PREX2: variants seen among roughly 807,000 people sequenced by gnomAD.
PREX2 encodes phosphatidylinositol 3,4,5-trisphosphate-dependent Rac exchanger 2 protein.
In PREX2, 107 loss-of-function variants were observed where a neutral mutation model predicts 203.2. That is an observed-to-expected ratio of 0.53 (90% confidence interval 0.45 to 0.62). PREX2 has a LOEUF of 0.62. Among genes scored for constraint, PREX2 ranks in the 20% least tolerant of loss-of-function variants. The pLI is 0.00. For synonymous variants in PREX2, 672 were observed against 663.6 expected (o/e 1.01, Z -0.19); for missense variants, 1,777 against 1,955.9 (o/e 0.91, Z 1.72).
intron 32 of PREX2, 88 bp downstream of exon 32, chr8:68,134,364 C>T: frequency 9.4e-7 from 1 of 1,064,366 alleles, no homozygotes; most frequent in South Asian, 1.4e-5. Context: ...TATTTCTTTC[C>T]CGCTGGTTAT....
At chr8:68,070,810 A>T (rs1809171405) in intron 13 of PREX2, among the ~76,000 whole-genome samples, 1 of 152,186 alleles carries the variant, frequency 6.6e-6, no homozygotes, top group East Asian at 1.9e-4. Context: ...TGGAATGCCC[A>T]CTTATACTGC....
chr8:68,051,186 G>A (rs970141025), intron 8 of PREX2, among the ~76,000 whole-genome samples: 1 of 152,078 alleles, frequency 6.6e-6, no homozygotes, highest in Non-Finnish European at 1.5e-5. Context: ...GCGGTGGCAG[G>A]AGCATGACTT....
chr8:68,144,581 G>GT (rs1284379403), intron 33 of PREX2, among the ~76,000 whole-genome samples: 1 of 151,792 alleles, frequency 6.6e-6, no homozygotes, highest in Non-Finnish European at 1.5e-5. Context: ...TCCAGGAGCA[G>GT]TTTTTTGTTG....
chr8:68,084,164 C>T (rs955296682), intron 18 of PREX2, among the ~76,000 whole-genome samples: 1 of 152,018 alleles, frequency 6.6e-6, no homozygotes, highest in Non-Finnish European at 1.5e-5. Context: ...TTTAGTATTT[C>T]CTTATCATAT....
chr8:68,216,127 G>T (rs1293415084), intron 37 of PREX2, among the ~76,000 whole-genome samples: 1 of 152,206 alleles, frequency 6.6e-6, no homozygotes, highest in African/African-American at 2.4e-5. Flanking sequence ...TCACACAGTT[G>T]CACTTTGTGA....
At chr8:68,198,173 C>A (rs1812436201) in intron 37 of PREX2, among the ~76,000 whole-genome samples, 1 of 152,296 alleles carries the variant, frequency 6.6e-6, no homozygotes, top group Non-Finnish European at 1.5e-5. Context: ...GCCATGTCTG[C>A]AGAAGGTATT....
intron 35 of PREX2, among the ~76,000 whole-genome samples, chr8:68,171,426 CTGT>C (rs1811874623): frequency 6.6e-6 from 1 of 152,024 alleles, no homozygotes; most frequent in Non-Finnish European, 1.5e-5. Flanking sequence ...TGTGTTTTCA[CTGT>C]TCGTATGATA....
At chr8:68,161,109 G>C (rs527877556) in intron 35 of PREX2, among the ~76,000 whole-genome samples, 10 of 150,226 alleles carry the variant, frequency 6.7e-5, no homozygotes, top group East Asian at 2.0e-4. Context: ...TTTTTTTTGG[G>C]GGGGGGACAG....
Position 68,006,561 on chromosome 8 carries a change from C to T in PREX2, c.142-11285C>T, listed in dbSNP as rs1328941113. ...ATATGTCATCTCCCTAGAGTGAATC[C>T]TGTCACTGTTGCCTGGAGTCTACTT... is the stretch of plus-strand genomic sequence containing the variant. On this transcript the variant is annotated intron_variant, in intron 1 of 39. Coordinates refer to ENST00000288368, the MANE Select transcript of PREX2 (RefSeq NM_024870.4). Among the ~76,000 whole-genome samples the T allele has an allele frequency of 2.0e-5, 3 of 152,152 alleles. No homozygotes were observed. The East Asian group carries it at 5.8e-4, about 29-fold the overall frequency.
intron 5 of PREX2, among the ~76,000 whole-genome samples, chr8:68,029,412 A>T (rs1403609135): frequency 6.6e-6 from 1 of 152,070 alleles, no homozygotes; most frequent in Admixed American, 6.6e-5. Context: ...TCACTTATGG[A>T]TTTGTGATCC....
At chr8:68,227,792 G>T (rs995059280) in intron 39 of PREX2, among the ~76,000 whole-genome samples, 1 of 152,136 alleles carries the variant, frequency 6.6e-6, no homozygotes, top group Non-Finnish European at 1.5e-5. Flanking sequence ...TAATAATTTA[G>T]GAAATCAGAA....
intron 35 of PREX2, among the ~76,000 whole-genome samples, chr8:68,180,769 A>C (rs377451133): frequency 6.6e-6 from 1 of 152,126 alleles, no homozygotes; most frequent in Non-Finnish European, 1.5e-5. Flanking sequence ...CAATGCAGTC[A>C]TTGGCGTCCT....
intron 35 of PREX2, among the ~76,000 whole-genome samples, chr8:68,183,619 C>G (rs1812132068): frequency 6.6e-6 from 1 of 152,016 alleles, no homozygotes; most frequent in African/African-American, 2.4e-5. Context: ...GGAATGTCAC[C>G]TTAGCAGAAT....
chr8:68,188,669 A>G (rs140760500), intron 35 of PREX2, among the ~76,000 whole-genome samples: 2,155 of 152,318 alleles, frequency 0.014, 29 homozygotes, highest in Admixed American at 0.023. Flanking sequence ...GAGGCAGGCA[A>G]GAGAGCTTGT....
intron 21 of PREX2, 38 bp from the exon 22 acceptor site, chr8:68,096,975 ATCCT>A (rs761857245): frequency 1.3e-6 from 2 of 1,526,038 alleles, no homozygotes; most frequent in East Asian, 2.2e-5. Flanking sequence ...AGATTAACAA[ATCCT>A]TCATGAATTT....
chr8:68,174,677 T>A (rs899933977), intron 35 of PREX2, among the ~76,000 whole-genome samples: 4 of 152,236 alleles, frequency 2.6e-5, no homozygotes, highest in Non-Finnish European at 4.4e-5. Flanking sequence ...CTTTATATAC[T>A]TTTTGTGTCT....
intron 1 of PREX2, among the ~76,000 whole-genome samples, chr8:68,000,091 A>T (rs1349291268): frequency 6.6e-6 from 1 of 152,148 alleles, no homozygotes; most frequent in Admixed American, 6.5e-5. Context: ...CTCCTACTCA[A>T]CACAGTATTG....
At chr8:68,190,015 C>G (rs1180858070) in intron 35 of PREX2, among the ~76,000 whole-genome samples, 1 of 152,068 alleles carries the variant, frequency 6.6e-6, no homozygotes, top group Non-Finnish European at 1.5e-5. Context: ...TTTAAAAAGA[C>G]AAAACACTAT....
In PREX2 at chr8:68,134,340, A is replaced by G; in HGVS notation, c.3984+64A>G. 13 of 1,290,194 alleles carry G rather than the reference A, an allele frequency of 1.0e-5. No individual in the cohort carries two copies. In the South Asian group the frequency reaches 1.5e-4, roughly 15 times the overall value. The allele number at this position is 1,290,194 out of a possible 1,614,324, so 79.9% of individuals were successfully genotyped here. A position where few individuals can be genotyped will look rare whatever the true frequency, so the allele number is the denominator to read the frequency against. ...GTAACCTGCACTGTAACATGTTTTG[A>G]AATAAGAAGTAGTTATTTCTTTCCC... is the stretch of plus-strand genomic sequence containing the variant. On this transcript the variant is annotated intron_variant, in intron 32 of 39. Transcript: ENST00000288368.
Sources: gnomAD v4.1 joint callset for allele counts (sites outside exome capture counted in the v4.1 genomes callset) on GRCh38, gnomAD v4.1.1 for gene constraint, MANE v1.5 for transcripts, NCBI Gene and HGNC (gene_info 2026-07-23, HGNC 2026-07-21) for gene names.